PIK3R3: variants seen among roughly 807,000 people sequenced by gnomAD.
PIK3R3 encodes the protein phosphoinositide-3-kinase regulatory subunit 3.
In PIK3R3, 64 loss-of-function variants were observed where a neutral mutation model predicts 62.9. That is an observed-to-expected ratio of 1.02 (90% CI 0.83 to 1.25). The LOEUF (loss-of-function observed/expected upper bound fraction) is 1.25, where lower values mean the gene tolerates loss of function less well. Ranked by LOEUF, PIK3R3 falls within the 50% of genes most tolerant of loss-of-function variation. The pLI is 0.00. For synonymous variants in PIK3R3, 165 were observed against 189.0 expected (o/e 0.87, Z 1.04); for missense variants, 614 against 561.6 (o/e 1.09, Z -0.94).
intron 1 of PIK3R3, among the ~76,000 whole-genome samples, chr1:46,104,555 C>T (rs1653004718): frequency 6.6e-6 from 1 of 152,126 alleles, no homozygotes; most frequent in Non-Finnish European, 1.5e-5. Context: ...AGACAGATTA[C>T]AATCATAAGA....
chr1:46,119,740 A>G (rs901952761), intron 1 of PIK3R3, among the ~76,000 whole-genome samples: 2 of 150,710 alleles, frequency 1.3e-5, no homozygotes, highest in Non-Finnish European at 3.0e-5. Flanking sequence ...AGTAGCTGAG[A>G]CTACAGGTAT....
intron 1 of PIK3R3, among the ~76,000 whole-genome samples, chr1:46,120,758 A>C (rs1654611113): frequency 6.6e-6 from 1 of 152,154 alleles, no homozygotes; most frequent in Non-Finnish European, 1.5e-5. Context: ...TCCCCAATAC[A>C]ACCATATACC....
chr1:46,142,198 C>T, the PIK3R3 span, among the ~76,000 whole-genome samples: 1 of 152,106 alleles, frequency 6.6e-6, no homozygotes, highest in East Asian at 1.9e-4. Context: ...TGGATGGCAC[C>T]CTCTTCAGCC....
intron 3 of PIK3R3, among the ~76,000 whole-genome samples, chr1:46,067,323 A>C (rs1342955644): frequency 6.7e-6 from 1 of 148,754 alleles, no homozygotes; most frequent in African/African-American, 2.4e-5. Context: ...TGGTTATTAA[A>C]GGTCAACATA....
chr1:46,077,073 TG>T lies in PIK3R3; in HGVS notation c.314+441del, dbSNP rs141445175. On this transcript the variant is annotated intron_variant, in intron 3 of 9. Coordinates refer to ENST00000262741, the MANE Select transcript of PIK3R3 (RefSeq NM_003629.4). Reference sequence around the variant, plus strand: ...TTAAAAGACTCTAAATATGCCCATATGAAAAGCATGATATACGCTAGGAACT... The same window carrying T: ...TTAAAAGACTCTAAATATGCCCATATAAAAGCATGATATACGCTAGGAACT... Among the ~76,000 whole-genome samples the T allele has an allele frequency of 9.3e-3, 1,409 of 152,310 alleles. 16 individuals are homozygous for T. Among genetic ancestry groups the T allele is most frequent in the African/African-American group, 0.029 (1,199 of 41,566 alleles).
At chr1:46,072,294 G>A (rs1298799824) in intron 3 of PIK3R3, among the ~76,000 whole-genome samples, 2 of 152,118 alleles carry the variant, frequency 1.3e-5, no homozygotes, top group African/African-American at 4.8e-5. Flanking sequence ...TTAGCACTAA[G>A]TTGCAACTAT....
In PIK3R3 at chr1:46,040,729, C is replaced by T. The variant is rs1423196725; in HGVS notation, c.*2944G>A. The T allele has an allele frequency of 1.0e-5, 2 of 200,034 alleles. No individual in the cohort carries two copies. The highest frequency in any genetic ancestry group is 1.0e-5 in the Non-Finnish European group (1 of 96,918). The allele number at this position is 200,034 out of a possible 1,614,324, so 12.4% of individuals were successfully genotyped here. On this transcript the variant is annotated 3_prime_UTR_variant, in exon 10 of 10. Coordinates refer to ENST00000262741, the MANE Select transcript of PIK3R3 (RefSeq NM_003629.4). ...GATTACTTGTAGCAAAAAAGAGACC[C>T]GTGGAAGACACATTGGCTCTCAAAG...
chr1:46,055,814 T>A lies in PIK3R3; in HGVS notation c.922A>T (p.Ile308Phe). Residue 308 changes from isoleucine (I) to phenylalanine (F), a missense_variant, in exon 7 of 10, where the codon ATC becomes TTC. Transcript: ENST00000262741. ...IKPDLIQLRK[I>F]RDQHLVWLNH... is the part of the protein sequence containing the mutation. ...ACTTACACAAGGTGTTGATCTCGGATCTTTCGCAGCTGGATCAGGTCAGGT... is the reference window on the plus strand; with the variant it reads ...ACTTACACAAGGTGTTGATCTCGGAACTTTCGCAGCTGGATCAGGTCAGGT... The A allele has an allele frequency of 7.1e-7, 1 of 1,401,494 alleles. No individual in the cohort carries two copies. The allele number at this position is 1,401,494 out of a possible 1,614,324, so 86.8% of individuals were successfully genotyped here.
At chr1:46,050,488 C>A (rs892944473) in intron 7 of PIK3R3, among the ~76,000 whole-genome samples, 4 of 151,944 alleles carry the variant, frequency 2.6e-5, no homozygotes, top group African/African-American at 9.7e-5. Context: ...TTGCTTGAAC[C>A]CAGGAGGCAG....
At chr1:46,127,657 A>G (rs1231101093) in intron 1 of PIK3R3, among the ~76,000 whole-genome samples, 1 of 152,176 alleles carries the variant, frequency 6.6e-6, no homozygotes, top group African/African-American at 2.4e-5. Context: ...CCGAAGTCAT[A>G]GCAAGACTAA....
chr1:46,145,212 G>A, the PIK3R3 span, among the ~76,000 whole-genome samples: 2 of 151,938 alleles, frequency 1.3e-5, no homozygotes, highest in African/African-American at 2.4e-5. Flanking sequence ...GAGATGGGAG[G>A]GAGAGAACTG....
At chr1:46,081,183 T>C (rs548322426) in intron 1 of PIK3R3, among the ~76,000 whole-genome samples, 3 of 152,224 alleles carry the variant, frequency 2.0e-5, no homozygotes, top group Non-Finnish European at 2.9e-5. Flanking sequence ...ATGATGGTTA[T>C]GTTATTAATA....
At chr1:46,174,594 G>A in the PIK3R3 span, among the ~76,000 whole-genome samples, 4 of 152,108 alleles carry the variant, frequency 2.6e-5, no homozygotes, top group Non-Finnish European at 1.5e-5. Flanking sequence ...GGTGCAACAC[G>A]TATTAGCCCA....
chr1:46,063,624 C>A (rs1466480364), intron 5 of PIK3R3, among the ~76,000 whole-genome samples: 1 of 152,100 alleles, frequency 6.6e-6, no homozygotes, highest in East Asian at 1.9e-4. Flanking sequence ...TAAGTCAGCA[C>A]CTCCCCCATC....
chr1:46,047,448 A>AAAAAGAAAG (rs1553143013), intron 7 of PIK3R3, among the ~76,000 whole-genome samples: 2 of 141,776 alleles, frequency 1.4e-5, no homozygotes, highest in African/African-American at 5.3e-5. Context: ...AAAAAAAAAA[A>AAAAAGAAAG]AAAGAAAGAA....
the PIK3R3 span, among the ~76,000 whole-genome samples, chr1:46,168,138 G>A: frequency 2.9e-4 from 44 of 152,098 alleles, no homozygotes; most frequent in Non-Finnish European, 5.6e-4. Flanking sequence ...GCGACAGAGC[G>A]AGACTCCATC....
At chr1:46,108,725 T>G (rs1653437765) in intron 1 of PIK3R3, among the ~76,000 whole-genome samples, 2 of 152,332 alleles carry the variant, frequency 1.3e-5, no homozygotes, top group South Asian at 4.1e-4. Flanking sequence ...CCTCCTTCCC[T>G]GAGCTAGCAC....
chr1:46,056,004 T>C (rs748311239), intron 6 of PIK3R3, 33 bp from the exon 7 acceptor site: 9 of 1,466,748 alleles, frequency 6.1e-6, no homozygotes, highest in South Asian at 5.0e-5. Flanking sequence ...AAGGCTAAAA[T>C]AGAAATCAAG....
At chr1:46,131,151 C>T (rs973137505) in intron 1 of PIK3R3, among the ~76,000 whole-genome samples, 5 of 151,962 alleles carry the variant, frequency 3.3e-5, no homozygotes, top group African/African-American at 9.7e-5. Context: ...TACATTAAAC[C>T]CTATCCCATA....
Sources: gnomAD v4.1 joint callset for allele counts (sites outside exome capture counted in the v4.1 genomes callset) on GRCh38, gnomAD v4.1.1 for gene constraint, MANE v1.5 for transcripts, NCBI Gene and HGNC (gene_info 2026-07-23, HGNC 2026-07-21) for gene names.